PDE4D: variants seen among roughly 807,000 people sequenced by gnomAD.
PDE4D encodes the protein phosphodiesterase 4D, also known as 3',5'-cyclic-AMP phosphodiesterase 4D.
In PDE4D, 24 loss-of-function variants were observed where a neutral mutation model predicts 87.4. That is an observed-to-expected ratio of 0.27 (90% confidence interval 0.20 to 0.39). The LOEUF is 0.39. PDE4D is among the 10% of genes least tolerant of loss of function. The probability of loss-of-function intolerance (pLI) is 1.00; values close to 1 mark genes in which losing one functional copy is unlikely to be tolerated. For missense variants in PDE4D, 714 were observed against 1,041.0 expected (o/e 0.69, Z 4.32); for synonymous variants, 384 against 383.2 (o/e 1.00, Z -0.02).
rs149507130 is a variant in PDE4D at position 59,767,612 on chromosome 5, G to A, written c.455+125556C>T. ...AAGAAAATAAAAAGATTGGCAAAAT[G>A]TTCTAACAATCCAAATTCAAAGAAC... On this transcript the variant is annotated intron_variant, in intron 1 of 14. Transcript: ENST00000340635. 7.9e-4 allele frequency among the ~76,000 whole-genome samples: 120 copies of A among 152,198 alleles called. 1 individual carries two copies. In the Middle Eastern group the frequency reaches 0.041, roughly 52 times the overall value.
chr5:59,304,098 T>C (rs1770797939), intron 1 of PDE4D, among the ~76,000 whole-genome samples: 1 of 152,128 alleles, frequency 6.6e-6, no homozygotes, highest in Non-Finnish European at 1.5e-5. Context: ...CTTGTAGAAG[T>C]CTCTCGACTC....
At chr5:59,639,384 T>C (rs1741151104) in intron 1 of PDE4D, among the ~76,000 whole-genome samples, 1 of 152,134 alleles carries the variant, frequency 6.6e-6, no homozygotes, top group African/African-American at 2.4e-5. Context: ...TAGTTCTTGC[T>C]GGTGGCGATG....
At chr5:59,002,930 G>A (rs1364728973) in intron 6 of PDE4D, among the ~76,000 whole-genome samples, 2 of 152,166 alleles carry the variant, frequency 1.3e-5, no homozygotes, top group Non-Finnish European at 2.9e-5. Flanking sequence ...CAAAGTTGAA[G>A]ATAAGTAGGT....
intron 1 of PDE4D, among the ~76,000 whole-genome samples, chr5:59,633,230 G>C (rs1580012281): frequency 6.6e-6 from 1 of 152,122 alleles, no homozygotes; most frequent in Non-Finnish European, 1.5e-5. Context: ...CAAGAAATAT[G>C]GGACTATGTA....
Position 58,970,857 on chromosome 5 carries a change from T to C in PDE4D, c.*3807A>G, listed in dbSNP as rs1742483564. ...AAAGGACTTAAAAAAAAGAAAAAGA[T>C]TGTTTATAATCACTGGGAAAGAATA... On this transcript the variant is annotated 3_prime_UTR_variant, in exon 15 of 15. Coordinates refer to ENST00000340635, the MANE Select transcript of PDE4D (RefSeq NM_001104631.2). 1 of 151,364 alleles carries C rather than the reference T, an allele frequency of 6.6e-6. No individual in the cohort carries two copies. The highest frequency in any genetic ancestry group is 2.1e-4 in the South Asian group (1 of 4,784). 9.4% of individuals were successfully genotyped at this position (151,364 alleles called of 1,614,324 possible).
In PDE4D at chr5:59,473,458, G is replaced by A. The variant is rs574155190; in HGVS notation, c.456-257490C>T. On this transcript the variant is annotated intron_variant, in intron 1 of 14. Transcript: ENST00000340635. ...TTTAGAAGACTGTAGACAACACCAA[G>A]CCACTCCATATAATCCACCAAAGGT... 2.0e-5 allele frequency among the ~76,000 whole-genome samples: 3 copies of A among 152,092 alleles called. No individual in the cohort carries two copies. In the South Asian group the frequency reaches 6.2e-4, roughly 32 times the overall value.
At chr5:59,096,118 A>T (rs1159766310) in intron 5 of PDE4D, among the ~76,000 whole-genome samples, 1 of 152,154 alleles carries the variant, frequency 6.6e-6, no homozygotes, top group East Asian at 1.9e-4. Flanking sequence ...TACAGAGGAA[A>T]TAGCTGAAAA....
At chr5:59,818,393 C>T (rs1018017908) in intron 1 of PDE4D, among the ~76,000 whole-genome samples, 7 of 152,102 alleles carry the variant, frequency 4.6e-5, no homozygotes, top group Non-Finnish European at 5.9e-5. Context: ...ACAGTCAGTG[C>T]TCAATAAATA....
chr5:59,172,328 TATATA>T (rs947569921), intron 5 of PDE4D, among the ~76,000 whole-genome samples: 7 of 130,194 alleles, frequency 5.4e-5, no homozygotes, highest in Non-Finnish European at 9.4e-5. Context: ...AAATATATAA[TATATA>T]ATATATTATA....
intron 2 of PDE4D, chr5:60,127,573 A>C (rs554657581): frequency 1.4e-4 from 66 of 483,268 alleles, no homozygotes; most frequent in African/African-American, 1.2e-3. Flanking sequence ...CCTTAGTGAT[A>C]GGGTACTTAC....
At chr5:59,236,692 T>C (rs1482127596) in intron 1 of PDE4D, among the ~76,000 whole-genome samples, 6 of 151,932 alleles carry the variant, frequency 3.9e-5, no homozygotes, top group African/African-American at 1.5e-4. Flanking sequence ...CCTTCCTTGG[T>C]GGTGTCCCTG....
At chr5:59,617,956 T>C (rs1291155018) in intron 1 of PDE4D, among the ~76,000 whole-genome samples, 1 of 152,208 alleles carries the variant, frequency 6.6e-6, no homozygotes, top group Non-Finnish European at 1.5e-5. Flanking sequence ...TACTTCTAGC[T>C]TTTCAACTAC....
chr5:59,193,632 C>T, intron 2 of PDE4D, 96 bp from the exon 3 acceptor site: 1 of 1,553,812 alleles, frequency 6.4e-7, no homozygotes, highest in East Asian at 2.3e-5. Flanking sequence ...TCATGAGTTC[C>T]CATAGAGAAT....
At position 59,560,025 on chromosome 5, in the gene PDE4D, C is replaced by T. The variant is rs183385611; in HGVS notation, c.455+333143G>A. On this transcript the variant is annotated intron_variant, in intron 1 of 14. Transcript: ENST00000340635. ...AAAGGAATGGCATGTCATTTGAAAG[C>T]GTTTCCAAAGCACAAGGGCAGCCTT... Among the ~76,000 whole-genome samples the T allele has an allele frequency of 2.7e-3, 414 of 152,276 alleles. 3 individuals carry two copies. Among genetic ancestry groups the T allele is most frequent in the Middle Eastern group, 3.4e-3 (1 of 294 alleles).
chr5:59,951,313 C>T (rs1758272089), intron 3 of PDE4D, among the ~76,000 whole-genome samples: 1 of 152,084 alleles, frequency 6.6e-6, no homozygotes. Context: ...AAACACATTG[C>T]AATTTAGAGA....
chr5:60,088,731 AAG>A lies in PDE4D; in HGVS notation c.42+96824_42+96825del, dbSNP rs142927893. Among the ~76,000 whole-genome samples the A allele has an allele frequency of 1.3e-3, 204 of 151,844 alleles. 1 individual carries two copies. The highest frequency in any genetic ancestry group is 4.5e-3 in the African/African-American group (187 of 41,536). ...ATTATTTTGTGACAAAAACGAAAGT[AAG>A]AGAGAGAGAGAAAAAGAAAGAAATG... On this transcript the variant is annotated intron_variant, in intron 2 of 16. Coordinates refer to the PDE4D transcript ENST00000502484.
At chr5:60,160,381 C>T (rs1782367793) in intron 2 of PDE4D, among the ~76,000 whole-genome samples, 1 of 152,036 alleles carries the variant, frequency 6.6e-6, no homozygotes, top group Non-Finnish European at 1.5e-5. Flanking sequence ...AGTCTTTTCC[C>T]TATTTTGTAG....
At chr5:60,233,690 T>C (rs886484301) in intron 1 of PDE4D, among the ~76,000 whole-genome samples, 1 of 151,840 alleles carries the variant, frequency 6.6e-6, no homozygotes, top group Non-Finnish European at 1.5e-5. Flanking sequence ...CAAACACTTA[T>C]ATAGTGCTTA....
chr5:59,033,612 T>C (rs1757980131), intron 6 of PDE4D, among the ~76,000 whole-genome samples: 1 of 152,228 alleles, frequency 6.6e-6, no homozygotes, highest in African/African-American at 2.4e-5. Flanking sequence ...TATGTAACTA[T>C]CGCAGAAATC....
Sources: gnomAD v4.1 joint callset for allele counts (sites outside exome capture counted in the v4.1 genomes callset) on GRCh38, gnomAD v4.1.1 for gene constraint, MANE v1.5 for transcripts, NCBI Gene and HGNC (gene_info 2026-07-23, HGNC 2026-07-21) for gene names.